The following PID1 variants were observed in gnomAD, a reference collection of about 807,000 sequenced individuals.
The protein encoded by PID1 is PTB-containing, cubilin and LRP1-interacting protein.
PID1 carries 10 observed loss-of-function variants against 19.1 expected under a neutral mutation model. The ratio of observed to expected loss-of-function variants is 0.52; its 90% CI spans 0.32 to 0.89. The LOEUF (loss-of-function observed/expected upper bound fraction) is 0.89. PID1 is among the 40% of genes least tolerant of loss of function. PID1 has a pLI of 0.03. For missense variants in PID1, 248 were observed against 285.3 expected (o/e 0.87, Z 0.94); for synonymous variants, 130 against 116.0 (o/e 1.12, Z -0.78).
chr2:229,090,530 G>A (rs1694851780), intron 2 of PID1, among the ~76,000 whole-genome samples: 1 of 152,160 alleles, frequency 6.6e-6, no homozygotes, highest in Non-Finnish European at 1.5e-5. Context: ...CCAACTTCCC[G>A]ATGCCCAGAT....
intron 2 of PID1, among the ~76,000 whole-genome samples, chr2:229,154,653 C>T (rs1445495897): frequency 3.9e-5 from 6 of 152,152 alleles, no homozygotes; most frequent in East Asian, 1.9e-4. Context: ...CACAGCTATG[C>T]GAGAACTGAT....
At chr2:229,236,262 T>A (rs140515113) in intron 1 of PID1, 1 of 152,006 alleles carries the variant, frequency 6.6e-6, no homozygotes, top group African/African-American at 2.4e-5. Flanking sequence ...CTCCTTAACA[T>A]AAACTCACCC....
intron 2 of PID1, among the ~76,000 whole-genome samples, chr2:229,108,808 C>A (rs1312472967): frequency 1.3e-5 from 2 of 152,110 alleles, no homozygotes; most frequent in African/African-American, 4.8e-5. Context: ...GGCAGCTCAT[C>A]TTCTGCTACT....
chr2:229,209,120 C>A (rs9678872), intron 1 of PID1, among the ~76,000 whole-genome samples: 46 of 152,298 alleles, frequency 3.0e-4, no homozygotes, highest in African/African-American at 1.1e-3. Context: ...CCTGAGAGGG[C>A]CACATCTTAT....
chr2:229,222,704 T>A (rs958257678), intron 1 of PID1, among the ~76,000 whole-genome samples: 1 of 152,160 alleles, frequency 6.6e-6, no homozygotes, highest in East Asian at 1.9e-4. Flanking sequence ...AGAATTACTG[T>A]CTCCACCTGA....
chr2:229,203,449 T>C (rs1209513388), intron 1 of PID1, among the ~76,000 whole-genome samples: 1 of 152,064 alleles, frequency 6.6e-6, no homozygotes, highest in Non-Finnish European at 1.5e-5. Context: ...CTTTTCTTTA[T>C]AACATTGATG....
At chr2:229,166,621 C>G (rs1040635188) in intron 1 of PID1, among the ~76,000 whole-genome samples, 1 of 152,154 alleles carries the variant, frequency 6.6e-6, no homozygotes, top group Non-Finnish European at 1.5e-5. Flanking sequence ...AAAATTTTGA[C>G]TCTACATGAT....
At chr2:229,066,410 T>C (rs891864519) in intron 2 of PID1, among the ~76,000 whole-genome samples, 1 of 152,124 alleles carries the variant, frequency 6.6e-6, no homozygotes. Context: ...AGGTAACACA[T>C]GTGTTGAAAT....
chr2:229,189,478 C>T lies in PID1; in HGVS notation c.31-33514G>A, dbSNP rs182371986. Reference sequence around the variant, plus strand: ...GGGAGGCCAAGGCAGGTGGATCACCCGAAGACAGGAGTTCAAGACCAGCCT... The same window carrying T: ...GGGAGGCCAAGGCAGGTGGATCACCTGAAGACAGGAGTTCAAGACCAGCCT... On this transcript the variant is annotated intron_variant, in intron 1 of 2. Transcript: ENST00000392055. Among the ~76,000 whole-genome samples the T allele has an allele frequency of 2.1e-3, 320 of 152,224 alleles. 2 individuals carry two copies. Among genetic ancestry groups the T allele is most frequent in the African/African-American group, 7.3e-3 (302 of 41,538 alleles).
At chr2:229,174,577 T>A (rs528354551) in intron 1 of PID1, among the ~76,000 whole-genome samples, 107 of 152,160 alleles carry the variant, frequency 7.0e-4, no homozygotes, top group Non-Finnish European at 1.4e-3. Context: ...ATGGGCCTTT[T>A]TAGACTGTCC....
chr2:229,253,475 C>T (rs563629190), intron 1 of PID1, among the ~76,000 whole-genome samples: 1 of 152,014 alleles, frequency 6.6e-6, no homozygotes, highest in South Asian at 2.1e-4. Flanking sequence ...AAAAACCTTT[C>T]TCCAAAGATG....
chr2:229,156,818 G>A (rs1690382221), intron 1 of PID1, among the ~76,000 whole-genome samples: 2 of 152,060 alleles, frequency 1.3e-5, no homozygotes, highest in African/African-American at 4.8e-5. Context: ...ATGATTCAAG[G>A]ACCTACTACC....
intron 2 of PID1, among the ~76,000 whole-genome samples, chr2:229,051,220 A>G (rs1037178771): frequency 1.3e-5 from 2 of 152,194 alleles, no homozygotes; most frequent in African/African-American, 4.8e-5. Context: ...TTATTAGAAG[A>G]AAAGGAACAC....
chr2:229,114,174 A>AACACAC (rs151089843), intron 2 of PID1, among the ~76,000 whole-genome samples: 11,685 of 124,552 alleles, frequency 0.094, 542 homozygotes, highest in South Asian at 0.22. Flanking sequence ...TCTCCACACA[A>AACACAC]ACACACACAC....
intron 2 of PID1, among the ~76,000 whole-genome samples, chr2:229,151,731 C>A (rs576240936): frequency 6.6e-6 from 1 of 151,982 alleles, no homozygotes; most frequent in Non-Finnish European, 1.5e-5. Flanking sequence ...CCACCACGCC[C>A]GGCTAATTTT....
In PID1 at chr2:229,025,597, C is replaced by T; in HGVS notation, c.*35G>A. ...TCATCTATTCCCTTGAACTCCGTGACCAATGCTGCCTTTGCTGAAGCGTCT... is the reference window on the plus strand; with the variant it reads ...TCATCTATTCCCTTGAACTCCGTGATCAATGCTGCCTTTGCTGAAGCGTCT... On this transcript the variant is annotated 3_prime_UTR_variant, in exon 3 of 3. Coordinates refer to ENST00000392055, the MANE Select transcript of PID1 (RefSeq NM_001100818.2). 1 of 1,500,318 alleles carries T rather than the reference C, an allele frequency of 6.7e-7. No individual in the cohort carries two copies. The highest frequency in any genetic ancestry group is 9.2e-7 in the Non-Finnish European group (1 of 1,083,880). The allele number at this position is 1,500,318 out of a possible 1,614,324, so 92.9% of individuals were successfully genotyped here.
At chr2:229,264,557 T>C (rs1306327727) in intron 1 of PID1, among the ~76,000 whole-genome samples, 1 of 152,126 alleles carries the variant, frequency 6.6e-6, no homozygotes, top group Non-Finnish European at 1.5e-5. Context: ...CACCCCCAAC[T>C]GTAAAGACAA....
chr2:229,061,374 T>C (rs367877049), intron 2 of PID1, among the ~76,000 whole-genome samples: 2 of 152,154 alleles, frequency 1.3e-5, no homozygotes, highest in East Asian at 1.9e-4. Flanking sequence ...CTTTCTCCAT[T>C]GCGTGCTCTT....
At chr2:229,094,401 T>A (rs559952105) in intron 2 of PID1, among the ~76,000 whole-genome samples, 1 of 152,210 alleles carries the variant, frequency 6.6e-6, no homozygotes, top group South Asian at 2.1e-4. Flanking sequence ...GCAATTCCTA[T>A]CAAAATAATG....
Sources: gnomAD v4.1 joint callset for allele counts (sites outside exome capture counted in the v4.1 genomes callset) on GRCh38, gnomAD v4.1.1 for gene constraint, MANE v1.5 for transcripts, NCBI Gene and HGNC (gene_info 2026-07-23, HGNC 2026-07-21) for gene names.